Variants in C12orf42 observed in about 807,000 individuals in gnomAD.
The protein encoded by C12orf42 is chromosome 12 open reading frame 42.
C12orf42 carries 25 observed loss-of-function variants against 21.6 expected under a neutral mutation model. The ratio of observed to expected loss-of-function variants is 1.16; its 90% CI spans 0.84 to 1.62. C12orf42 has a LOEUF of 1.62. Ranked by LOEUF, C12orf42 falls within the 40% of genes most tolerant of loss-of-function variation. The pLI is 0.00. For synonymous variants in C12orf42, 174 were observed against 175.0 expected (o/e 0.99, Z 0.05); for missense variants, 483 against 459.3 (o/e 1.05, Z -0.47).
At chr12:103,326,235 T>C (rs1260355170) in intron 4 of C12orf42, among the ~76,000 whole-genome samples, 1 of 152,146 alleles carries the variant, frequency 6.6e-6, no homozygotes, top group Non-Finnish European at 1.5e-5. Context: ...CACCATTATA[T>C]TATGGGGCTC....
chr12:103,537,647 C>G, the C12orf42 span, among the ~76,000 whole-genome samples: 2 of 152,214 alleles, frequency 1.3e-5, no homozygotes, highest in South Asian at 2.1e-4. Flanking sequence ...ATGGAATCCT[C>G]AACCTCCTTT....
At chr12:103,270,611 G>A (rs1026361620) in intron 5 of C12orf42, among the ~76,000 whole-genome samples, 1 of 146,746 alleles carries the variant, frequency 6.8e-6, no homozygotes, top group Non-Finnish European at 1.5e-5. Context: ...AAGTTTTAGG[G>A]TACATGTGCA....
the C12orf42 span, among the ~76,000 whole-genome samples, chr12:103,199,121 C>A: frequency 3.3e-5 from 5 of 151,946 alleles, no homozygotes; most frequent in Non-Finnish European, 7.4e-5. Context: ...GACATATAAA[C>A]CAATGGGACA....
the C12orf42 span, among the ~76,000 whole-genome samples, chr12:103,206,209 A>G: frequency 0.019 from 2,910 of 152,322 alleles, 35 homozygotes; most frequent in East Asian, 0.028. Flanking sequence ...TGTGGTACTG[A>G]CACAGCCACT....
rs554687599 is a variant in C12orf42 at position 103,434,969 on chromosome 12, C to G, written c.79-33294G>C. ...GGCAGGGCACAGACAAACAAAAAGA[C>G]AGCAGTAACCTCTGCAGACTTAAAT... On this transcript the variant is annotated intron_variant, in intron 2 of 5. Transcript: ENST00000548883. 5.3e-3 allele frequency among the ~76,000 whole-genome samples: 814 copies of G among 152,338 alleles called. 4 individuals are homozygous for G. The highest frequency in any genetic ancestry group is 8.4e-3 in the Non-Finnish European group (574 of 68,036).
At chr12:103,183,339 C>G in the C12orf42 span, among the ~76,000 whole-genome samples, 2 of 152,226 alleles carry the variant, frequency 1.3e-5, no homozygotes, top group African/African-American at 4.8e-5. Flanking sequence ...CTTGGCCTCC[C>G]AAAGTGCTGG....
the C12orf42 span, among the ~76,000 whole-genome samples, chr12:103,172,245 A>G: frequency 1.3e-5 from 2 of 152,112 alleles, no homozygotes; most frequent in Non-Finnish European, 2.9e-5. Flanking sequence ...TGCATGAAGC[A>G]AAGCAGGAAA....
chr12:103,561,223 A>G, the C12orf42 span, among the ~76,000 whole-genome samples: 6 of 152,198 alleles, frequency 3.9e-5, no homozygotes, highest in African/African-American at 1.4e-4. Flanking sequence ...AGCTCCTGAC[A>G]TTCTCACACG....
chr12:103,312,769 G>C (rs2039091313), intron 4 of C12orf42, among the ~76,000 whole-genome samples: 1 of 152,190 alleles, frequency 6.6e-6, no homozygotes, highest in African/African-American at 2.4e-5. Context: ...AATTTTATAT[G>C]AAGTAATATT....
At chr12:103,163,449 G>T in the C12orf42 span, among the ~76,000 whole-genome samples, 2 of 152,108 alleles carry the variant, frequency 1.3e-5, no homozygotes, top group African/African-American at 4.8e-5. Flanking sequence ...CCCTTGAATT[G>T]TGTGCTCCAG....
intron 10 of C12orf42, among the ~76,000 whole-genome samples, chr12:103,258,527 T>C (rs2034727434): frequency 1.3e-5 from 2 of 151,852 alleles, no homozygotes; most frequent in Non-Finnish European, 2.9e-5. Flanking sequence ...GATTTATATA[T>C]ATATGTTTTA....
chr12:103,360,225 G>A (rs1231978809), intron 4 of C12orf42, among the ~76,000 whole-genome samples: 3 of 150,924 alleles, frequency 2.0e-5, no homozygotes, highest in Non-Finnish European at 4.4e-5. Context: ...CCATTGCCTA[G>A]CAACCAACCT....
At chr12:103,135,923 C>T in the C12orf42 span, among the ~76,000 whole-genome samples, 2 of 152,076 alleles carry the variant, frequency 1.3e-5, no homozygotes, top group Admixed American at 1.3e-4. Flanking sequence ...TAATAAGGGC[C>T]ATGTATGACA....
chr12:103,489,874 G>C (rs997214393), intron 1 of C12orf42, among the ~76,000 whole-genome samples: 2 of 152,202 alleles, frequency 1.3e-5, no homozygotes, highest in Non-Finnish European at 2.9e-5. Context: ...CCTTGGCTAG[G>C]AAAGGGAAAT....
chr12:103,491,642 C>T (rs1168006841), intron 1 of C12orf42, among the ~76,000 whole-genome samples: 1 of 152,208 alleles, frequency 6.6e-6, no homozygotes, highest in Non-Finnish European at 1.5e-5. Context: ...ACCTTGTAAA[C>T]CTTGGCAAAT....
At chr12:103,290,500 A>G (rs2036733749) in intron 4 of C12orf42, among the ~76,000 whole-genome samples, 1 of 152,192 alleles carries the variant, frequency 6.6e-6, no homozygotes, top group African/African-American at 2.4e-5. Context: ...GAACATTGTT[A>G]AAGTCAAACA....
intron 3 of C12orf42, among the ~76,000 whole-genome samples, chr12:103,395,175 T>C (rs2047412054): frequency 6.6e-6 from 1 of 152,196 alleles, no homozygotes; most frequent in Non-Finnish European, 1.5e-5. Context: ...TTGAATAAAA[T>C]GACTGAGCCA....
chr12:103,243,311 G>A (rs1348221411), intron 10 of C12orf42, among the ~76,000 whole-genome samples: 1 of 151,988 alleles, frequency 6.6e-6, no homozygotes, highest in African/African-American at 2.4e-5. Flanking sequence ...AAACGTGGTA[G>A]CCACTGTCCC....
chr12:103,527,790 G>C, the C12orf42 span, among the ~76,000 whole-genome samples: 2 of 152,270 alleles, frequency 1.3e-5, no homozygotes, highest in Middle Eastern at 6.8e-3. Flanking sequence ...CACAATGTTA[G>C]AATTTGTTTA....
Sources: gnomAD v4.1 joint callset for allele counts (sites outside exome capture counted in the v4.1 genomes callset) on GRCh38, gnomAD v4.1.1 for gene constraint, MANE v1.5 for transcripts, NCBI Gene and HGNC (gene_info 2026-07-23, HGNC 2026-07-21) for gene names.